Variants in FRMD6 observed in about 807,000 individuals in gnomAD.
FRMD6 encodes the protein FERM domain containing 6, also known as FERM domain-containing protein 6.
In FRMD6, 37 loss-of-function variants were observed where a neutral mutation model predicts 73.2. The ratio of observed to expected loss-of-function variants is 0.51; its 90% CI spans 0.39 to 0.66. The LOEUF is 0.66. Ranked by LOEUF, FRMD6 falls within the 30% of genes least tolerant of loss-of-function variation. FRMD6 has a pLI of 0.00. For synonymous variants in FRMD6, 273 were observed against 282.2 expected (o/e 0.97, Z 0.33); for missense variants, 714 against 780.5 (o/e 0.91, Z 1.02).
intron 9 of FRMD6, among the ~76,000 whole-genome samples, chr14:51,713,492 T>C (rs2140540775): frequency 6.6e-6 from 1 of 151,634 alleles, no homozygotes; most frequent in Admixed American, 6.6e-5. Flanking sequence ...AGTTCTGCTT[T>C]GTTCAGAAAT....
At chr14:51,514,118 T>C (rs1241816336) in intron 1 of FRMD6, among the ~76,000 whole-genome samples, 1 of 152,158 alleles carries the variant, frequency 6.6e-6, no homozygotes, top group African/African-American at 2.4e-5. Flanking sequence ...GCTCTTGTAA[T>C]CTCTCCCCCA....
the FRMD6 span, among the ~76,000 whole-genome samples, chr14:51,457,542 A>G: frequency 6.6e-6 from 1 of 152,070 alleles, no homozygotes; most frequent in Non-Finnish European, 1.5e-5. Context: ...AATGTCCCCC[A>G]TTTTTCCTGC....
At chr14:51,402,903 G>C in the FRMD6 span, among the ~76,000 whole-genome samples, 1 of 152,134 alleles carries the variant, frequency 6.6e-6, no homozygotes, top group African/African-American at 2.4e-5. Flanking sequence ...CTCCCAAAGT[G>C]CTGGGATTAC....
chr14:51,727,356 A>C (rs1271428462), intron 13 of FRMD6, among the ~76,000 whole-genome samples: 1 of 151,828 alleles, frequency 6.6e-6, no homozygotes, highest in African/African-American at 2.4e-5. Context: ...CCTTATTTCA[A>C]GATAATTACT....
At chr14:51,707,343 A>G (rs1212709578) in intron 6 of FRMD6, among the ~76,000 whole-genome samples, 1 of 151,946 alleles carries the variant, frequency 6.6e-6, no homozygotes, top group Non-Finnish European at 1.5e-5. Context: ...TTTAAGCACG[A>G]CTCTTGCTCA....
intron 2 of FRMD6, among the ~76,000 whole-genome samples, chr14:51,614,485 C>T (rs1364497647): frequency 1.3e-5 from 2 of 152,200 alleles, no homozygotes; most frequent in Middle Eastern, 3.4e-3. Flanking sequence ...CTAGGCTAAA[C>T]AGAAACAAAG....
chr14:51,481,311 C>T, the FRMD6 span, among the ~76,000 whole-genome samples: 1 of 152,156 alleles, frequency 6.6e-6, no homozygotes, highest in African/African-American at 2.4e-5. Flanking sequence ...GCCTCACAAT[C>T]ATGGCAGAAA....
At chr14:51,568,791 T>G (rs1887925307) in intron 1 of FRMD6, among the ~76,000 whole-genome samples, 1 of 152,232 alleles carries the variant, frequency 6.6e-6, no homozygotes, top group East Asian at 1.9e-4. Flanking sequence ...AAGGAAAACA[T>G]TGTATTTCTT....
chr14:51,477,134 T>A, the FRMD6 span, among the ~76,000 whole-genome samples: 1 of 152,170 alleles, frequency 6.6e-6, no homozygotes, highest in Non-Finnish European at 1.5e-5. Flanking sequence ...TGAATTAAAA[T>A]TACCAGACTC....
At chr14:51,660,245 G>A (rs1318232537) in intron 1 of FRMD6, among the ~76,000 whole-genome samples, 1 of 152,190 alleles carries the variant, frequency 6.6e-6, no homozygotes, top group African/African-American at 2.4e-5. Context: ...TTCATGTCTA[G>A]TTGGGGGAAC....
the FRMD6 span, among the ~76,000 whole-genome samples, chr14:51,453,276 G>A: frequency 6.4e-4 from 97 of 152,156 alleles, no homozygotes; most frequent in African/African-American, 2.1e-3. Context: ...GCTTTGAGTC[G>A]GGGGCTGGCA....
At chr14:51,709,412 TTGA>T (rs565930544) in intron 7 of FRMD6, among the ~76,000 whole-genome samples, 102 of 152,320 alleles carry the variant, frequency 6.7e-4, no homozygotes, top group African/African-American at 2.3e-3. Flanking sequence ...ACCATTACCA[TTGA>T]TAGTATTATG....
the FRMD6 span, among the ~76,000 whole-genome samples, chr14:51,443,905 G>T: frequency 1.3e-5 from 2 of 151,308 alleles, no homozygotes; most frequent in Middle Eastern, 3.5e-3. Flanking sequence ...TGGGGTAAAG[G>T]TAGGGAGAAT....
At position 51,604,183 on chromosome 14, in the gene FRMD6, T is replaced by C. The variant is rs1268563505; in HGVS notation, c.-147+33773T>C. On this transcript the variant is annotated intron_variant, in intron 2 of 14. Transcript: ENST00000356218. The stretch of plus-strand genomic sequence containing the variant: ...GGGCAGAATGTCTGCATGTGTGTGA[T>C]GGTGCAGGTCTGGGAGGAAAATTTT... Among the ~76,000 whole-genome samples the C allele has an allele frequency of 2.6e-5, 4 of 152,204 alleles. 1 individual carries two copies. The East Asian group carries it at 7.7e-4, about 29-fold the overall frequency.
the FRMD6 span, among the ~76,000 whole-genome samples, chr14:51,476,828 T>A: frequency 2.6e-5 from 4 of 152,072 alleles, no homozygotes; most frequent in Non-Finnish European, 5.9e-5. Flanking sequence ...TGCAGGCAGA[T>A]TGGCAAAGGT....
chr14:51,479,491 G>C, the FRMD6 span, among the ~76,000 whole-genome samples: 13 of 152,350 alleles, frequency 8.5e-5, no homozygotes, highest in Middle Eastern at 3.4e-3. Flanking sequence ...AAGCTAGTTA[G>C]AGAGGTCACA....
intron 2 of FRMD6, among the ~76,000 whole-genome samples, chr14:51,581,406 A>G (rs1888715561): frequency 1.3e-5 from 2 of 152,200 alleles, no homozygotes; most frequent in Non-Finnish European, 2.9e-5. Flanking sequence ...CTAACAATCT[A>G]AAGGGAAAAT....
intron 1 of FRMD6, among the ~76,000 whole-genome samples, chr14:51,495,647 A>G (rs1883252827): frequency 6.6e-6 from 1 of 152,214 alleles, no homozygotes; most frequent in Non-Finnish European, 1.5e-5. Flanking sequence ...CTTTCTCCCT[A>G]TCACTGAGCC....
the FRMD6 span, chr14:51,454,684 T>C: frequency 6.6e-6 from 1 of 152,234 alleles, no homozygotes; most frequent in Admixed American, 6.5e-5. Context: ...AAGATGTGCT[T>C]TTGTTCACGA....
Sources: allele counts gnomAD v4.1 joint callset (sites outside exome capture counted in the v4.1 genomes callset), GRCh38; gene constraint gnomAD v4.1.1; transcripts MANE v1.5; gene names NCBI Gene and HGNC (gene_info 2026-07-23, HGNC 2026-07-21).